SFRP4: variants seen among roughly 807,000 people sequenced by gnomAD.
SFRP4 encodes secreted frizzled related protein 4.
A neutral mutation model predicts 36.3 loss-of-function variants in SFRP4; 25 were observed. That is an observed-to-expected ratio of 0.69 (90% CI 0.50 to 0.96). The LOEUF is 0.96. SFRP4 is among the 40% of genes least tolerant of loss of function. SFRP4 has a pLI of 0.00. For missense variants in SFRP4, 487 were observed against 459.6 expected (o/e 1.06, Z -0.54); for synonymous variants, 182 against 168.8 (o/e 1.08, Z -0.60).
intron 3 of SFRP4, among the ~76,000 whole-genome samples, 162 bp downstream of exon 3, chr7:37,914,051 A>T (rs1785535702): frequency 6.6e-6 from 1 of 152,242 alleles, no homozygotes; most frequent in Non-Finnish European, 1.5e-5. Flanking sequence ...TGCAGTTGTT[A>T]TTGTGCCATA....
rs1007148498 is a variant in SFRP4, at chr7:37,916,205, G to C, written c.333C>G (p.Leu111=). Residue 111 remains leucine, a synonymous_variant, in exon 1 of 6, where the codon CTC becomes CTG. Coordinates refer to ENST00000436072, the MANE Select transcript of SFRP4 (RefSeq NM_003014.4). The surrounding 1 kb of genome is among the most constrained non-coding windows in gnomAD (Gnocchi z 4.1). ...CQRARDDCEP[L]MKMYNHSWPE... Reference sequence around the variant, plus strand: ...GCCAGCTGTGGTTGTACATCTTCATGAGGGGCTCGCAGTCGTCGCGCGCGC... The same window carrying C: ...GCCAGCTGTGGTTGTACATCTTCATCAGGGGCTCGCAGTCGTCGCGCGCGC... The C allele has an allele frequency of 1.2e-6, 2 of 1,614,202 alleles. No individual in the cohort carries two copies. Among genetic ancestry groups the C allele is most frequent in the Admixed American group, 1.7e-5 (1 of 60,036 alleles).
rs1315356257 is a variant in SFRP4, at chr7:37,914,210, T to C, written c.592+3A>G. On this transcript the variant is annotated splice_donor_region_variant and intron_variant, in intron 3 of 5. Coordinates refer to ENST00000436072, the MANE Select transcript of SFRP4 (RefSeq NM_003014.4). ...AAGTAAATGGCTTTAACAGACGACTTACCATAGCTGTAGTTTTTGCTGAGA... is the reference window on the plus strand; with the variant it reads ...AAGTAAATGGCTTTAACAGACGACTCACCATAGCTGTAGTTTTTGCTGAGA... 1 of 1,612,362 alleles carries C rather than the reference T, an allele frequency of 6.2e-7. No homozygotes were observed. The highest frequency in any genetic ancestry group is 1.1e-5 in the South Asian group (1 of 91,048).
At position 37,916,501 on chromosome 7, in the gene SFRP4, G is replaced by T. The variant is rs752828075; in HGVS notation, c.37C>A (p.Leu13Met). The T allele has an allele frequency of 6.2e-6, 10 of 1,611,746 alleles. No homozygotes were observed. The Admixed American group carries it at 1.7e-4, about 27-fold the overall frequency. Residue 13 changes from leucine to methionine, a missense_variant, in exon 1 of 6, where the codon CTG (leucine) becomes ATG (methionine). Physicochemically the swap from Leu to Met is conservative, Grantham distance 15. Coordinates refer to ENST00000436072, the MANE Select transcript of SFRP4 (RefSeq NM_003014.4). This position sits in a 1 kb window ranked among gnomAD's most constrained non-coding sequence, Gnocchi z 4.1. Reference protein sequence around the residue: ...LSILVALCLWLHLALGVRGAP... With the variant: ...LSILVALCLWMHLALGVRGAP... The stretch of plus-strand genomic sequence containing the variant: ...CCGCGCACGCCCAGCGCCAGGTGCA[G>T]CCACAGGCACAGCGCCACTAGGATG...
Position 37,916,465 on chromosome 7 carries a change from C to G in SFRP4, c.73G>C (p.Glu25Gln). 6.2e-7 allele frequency: 1 copy of G among 1,613,292 alleles called. No homozygotes were observed. Among genetic ancestry groups the G allele is most frequent in the Non-Finnish European group, 8.5e-7 (1 of 1,179,662 alleles). ...CGGCACATAGGGATGCGCACCGCCT[C>G]GCAGGGCGCGCCGCGCACGCCCAGC... is the stretch of plus-strand genomic sequence containing the variant. ...LALGVRGAPC[E>Q]AVRIPMCRHM... Residue 25 changes from glutamate to glutamine, a missense_variant, in exon 1 of 6, where the codon GAG becomes CAG. Physicochemically the swap from Glu to Gln is conservative, Grantham distance 29. Coordinates refer to ENST00000436072, the MANE Select transcript of SFRP4 (RefSeq NM_003014.4). The surrounding 1 kb of genome is among the most constrained non-coding windows in gnomAD (Gnocchi z 4.1).
chr7:37,909,617 T>C lies in SFRP4; in HGVS notation c.855A>G (p.Ile285Met). Residue 285 changes from isoleucine (I) to methionine (M), a missense_variant and splice_region_variant, in exon 5 of 6, where the codon ATA becomes ATG. By Grantham distance (10) the Ile-to-Met change is conservative. Transcript: ENST00000436072. ...TCACAGCATTGTTCATGATACTTAC[T>C]ATGGATCTTTTACTAAGCTGATCTC... The part of the protein sequence containing the change: ...KWRDQLSKRS[I>M]QWEERLQEQR... 1 of 1,549,154 alleles carries C rather than the reference T, an allele frequency of 6.5e-7. No homozygotes were observed. Among genetic ancestry groups the C allele is most frequent in the South Asian group, 1.2e-5 (1 of 81,782 alleles).
chr7:37,913,365 A>T (rs2722319), intron 3 of SFRP4, among the ~76,000 whole-genome samples: 30,569 of 152,078 alleles, frequency 0.2, 3,380 homozygotes, highest in South Asian at 0.4. Flanking sequence ...TAAAATTTCA[A>T]TCTGCAAGAT....
chr7:37,916,582 CT>C lies in SFRP4; in HGVS notation c.-46del, dbSNP rs1562852326. On this transcript the variant is annotated 5_prime_UTR_variant, in exon 1 of 6. Transcript: ENST00000436072. This position sits in a 1 kb window ranked among gnomAD's most constrained non-coding sequence, Gnocchi z 4.1. ...GCGACCCCGGCAGACAGAAAGCGCC[CT>C]TCTCTTCCTGCCACCCTCATCTTTC... 1 of 1,574,736 alleles carries C rather than the reference CT, an allele frequency of 6.4e-7. No individual in the cohort carries two copies. Among genetic ancestry groups the C allele is most frequent in the Non-Finnish European group, 8.6e-7 (1 of 1,163,256 alleles).
Position 37,907,510 on chromosome 7 carries a change from G to A in SFRP4, c.1010C>T (p.Ala337Val), listed in dbSNP as rs770958824. ...SPKKNIKTRS[A>V]QKRTNPKRV ...TCTTTTCGGGTTTGTTCTCTTCTGG[G>A]CACTCCTAGTTTTAATGTTCTTCTT... is the stretch of plus-strand genomic sequence containing the variant. The change falls in exon 6 of 6, where the codon GCC becomes GTC. Residue 337 changes from alanine to valine, a missense_variant. Coordinates refer to ENST00000436072, the MANE Select transcript of SFRP4 (RefSeq NM_003014.4). 6.2e-7 allele frequency: 1 copy of A among 1,613,772 alleles called. No individual in the cohort carries two copies. Among genetic ancestry groups the A allele is most frequent in the South Asian group, 1.1e-5 (1 of 91,046 alleles).
rs1004179197 is a variant in SFRP4, at chr7:37,907,299, T to C, written c.*180A>G. On this transcript the variant is annotated 3_prime_UTR_variant, in exon 6 of 6. Transcript: ENST00000436072. The stretch of plus-strand genomic sequence containing the variant: ...GCAAACCTACCACTATGGCTTGTGA[T>C]GGCTTACAAAGAAAAACTGAAGCAT... 1.7e-5 allele frequency: 9 copies of C among 538,726 alleles called. No homozygotes were observed. The Admixed American group carries it at 2.4e-4, about 14-fold the overall frequency. 33.4% of individuals were successfully genotyped at this position (538,726 alleles called of 1,614,324 possible).
At chr7:37,910,738 C>T (rs1405708696) in intron 4 of SFRP4, among the ~76,000 whole-genome samples, 3 of 151,998 alleles carry the variant, frequency 2.0e-5, no homozygotes, top group Non-Finnish European at 2.9e-5. Context: ...TCAACATTTA[C>T]CAAATAATAC....
intron 1 of SFRP4, 141 bp downstream of exon 1, chr7:37,915,952 G>A: frequency 2.3e-6 from 3 of 1,298,464 alleles, no homozygotes; most frequent in African/African-American, 1.5e-5. Context: ...TTTTTCTGAA[G>A]AAAATGTTTC....
chr7:37,912,823 A>C (rs1374010969), intron 3 of SFRP4, among the ~76,000 whole-genome samples: 1 of 152,234 alleles, frequency 6.6e-6, no homozygotes, highest in Admixed American at 6.5e-5. Context: ...AGACTGACAA[A>C]GTAGACCCAT....
Position 37,916,191 on chromosome 7 carries a change from T to G in SFRP4, c.347A>C (p.Asn116Thr), listed in dbSNP as rs1207763237. The change falls in exon 1 of 6, where the codon AAC becomes ACC. Residue 116 changes from asparagine to threonine, a missense_variant. Physicochemically the swap from Asn to Thr is moderately conservative, Grantham distance 65. Transcript: ENST00000436072. This position sits in a 1 kb window ranked among gnomAD's most constrained non-coding sequence, Gnocchi z 4.1. ...GGCCAGGCTTTCGGGCCAGCTGTGGTTGTACATCTTCATGAGGGGCTCGCA... is the reference window on the plus strand; with the variant it reads ...GGCCAGGCTTTCGGGCCAGCTGTGGGTGTACATCTTCATGAGGGGCTCGCA... ...DDCEPLMKMY[N>T]HSWPESLACD... The G allele has an allele frequency of 6.2e-7, 1 of 1,613,896 alleles. No individual in the cohort carries two copies. Among genetic ancestry groups the G allele is most frequent in the African/African-American group, 1.3e-5 (1 of 74,872 alleles).
intron 3 of SFRP4, 35 bp from the exon 4 acceptor site, chr7:37,912,352 G>A (rs372865272): frequency 6.4e-7 from 1 of 1,572,512 alleles, no homozygotes; most frequent in Non-Finnish European, 8.7e-7. Flanking sequence ...TGTTGTTGAA[G>A]GTTTTGGGGA....
In SFRP4 at chr7:37,916,620, G is replaced by C. The variant is rs533456777; in HGVS notation, c.-83C>G. The C allele has an allele frequency of 2.7e-6, 4 of 1,505,556 alleles. No individual in the cohort carries two copies. The highest frequency in any genetic ancestry group is 1.4e-5 in the African/African-American group (1 of 72,624). The allele number at this position is 1,505,556 out of a possible 1,614,324, so 93.3% of individuals were successfully genotyped here. On this transcript the variant is annotated 5_prime_UTR_variant, in exon 1 of 6. Transcript: ENST00000436072. The surrounding 1 kb of genome is among the most constrained non-coding windows in gnomAD (Gnocchi z 4.1). Reference sequence around the variant, plus strand: ...CACCCTCATCTTTCGCTGTCCCTTCGCCGAGGAAGAAATCCTCTGGGGCGC... The same window carrying C: ...CACCCTCATCTTTCGCTGTCCCTTCCCCGAGGAAGAAATCCTCTGGGGCGC...
intron 3 of SFRP4, 110 bp downstream of exon 3, chr7:37,914,103 C>A (rs1785536775): frequency 1.2e-6 from 1 of 810,990 alleles, no homozygotes; most frequent in Non-Finnish European, 2.0e-6. Context: ...AATAGTCAAC[C>A]TTTTGTTTTC....
chr7:37,913,648 T>C (rs887548123), intron 3 of SFRP4, among the ~76,000 whole-genome samples: 1 of 152,224 alleles, frequency 6.6e-6, no homozygotes, highest in Non-Finnish European at 1.5e-5. Flanking sequence ...AATGGTTCTT[T>C]CAAGTAAGAG....
chr7:37,911,311 C>A (rs1343754949), intron 4 of SFRP4, among the ~76,000 whole-genome samples: 1 of 152,130 alleles, frequency 6.6e-6, no homozygotes, highest in African/African-American at 2.4e-5. Flanking sequence ...GAGGAATAGT[C>A]TTAGGTTATA....
At position 37,916,572 on chromosome 7, in the gene SFRP4, A is replaced by G; in HGVS notation, c.-35T>C. On this transcript the variant is annotated 5_prime_UTR_variant, in exon 1 of 6. Coordinates refer to ENST00000436072, the MANE Select transcript of SFRP4 (RefSeq NM_003014.4). The surrounding 1 kb of genome is among the most constrained non-coding windows in gnomAD (Gnocchi z 4.1). ...CTCTCGCGCTGCGACCCCGGCAGAC[A>G]GAAAGCGCCCTTCTCTTCCTGCCAC... 1.9e-6 allele frequency: 3 copies of G among 1,585,654 alleles called. No individual in the cohort carries two copies. The highest frequency in any genetic ancestry group is 2.6e-6 in the Non-Finnish European group (3 of 1,168,536).
Sources: allele counts gnomAD v4.1 joint callset (sites outside exome capture counted in the v4.1 genomes callset), GRCh38; gene constraint gnomAD v4.1.1; non-coding constraint Gnocchi (gnomAD v3.1); transcripts MANE v1.5; gene names NCBI Gene and HGNC (gene_info 2026-07-23, HGNC 2026-07-21).